The following CFAP299 variants were observed in gnomAD, a reference collection of about 807,000 sequenced individuals.
CFAP299 encodes the protein cilia- and flagella-associated protein 299.
CFAP299 carries 21 observed loss-of-function variants against 27.0 expected under a neutral mutation model. The observed-to-expected ratio is 0.78, with a 90% CI of 0.55 to 1.12. CFAP299 has a LOEUF of 1.12. Ranked by LOEUF, CFAP299 falls within the 50% of genes most tolerant of loss-of-function variation. The pLI is 0.00. For synonymous variants in CFAP299, 104 were observed against 98.1 expected, an observed-to-expected ratio of 1.06 and a Z score of -0.36; for missense variants, 310 against 276.6, an observed-to-expected ratio of 1.12 and a Z score of -0.86.
chr4:80,912,384 C>T (rs559695329), intron 4 of CFAP299, among the ~76,000 whole-genome samples: 4 of 152,070 alleles, frequency 2.6e-5, no homozygotes, highest in Non-Finnish European at 4.4e-5. Context: ...GAGAAAGGTT[C>T]GTCCCTATTC....
intron 1 of CFAP299, among the ~76,000 whole-genome samples, chr4:80,339,100 C>T (rs1722309126): frequency 6.6e-6 from 1 of 152,164 alleles, no homozygotes; most frequent in South Asian, 2.1e-4. Context: ...GGTTTAGAAG[C>T]AGCTACCTTC....
At chr4:80,676,375 G>A (rs999083286) in intron 3 of CFAP299, among the ~76,000 whole-genome samples, 22 of 151,994 alleles carry the variant, frequency 1.4e-4, no homozygotes, top group African/African-American at 5.3e-4. Flanking sequence ...ATTTTGTTGA[G>A]GATTTTGTAT....
the CFAP299 span, among the ~76,000 whole-genome samples, chr4:80,325,846 G>GCCCT: frequency 2.0e-5 from 3 of 152,046 alleles, no homozygotes; most frequent in African/African-American, 7.3e-5. Flanking sequence ...GTGTTCTAGG[G>GCCCT]CCCTATACCT....
chr4:80,407,326 G>T (rs1726482987), intron 2 of CFAP299, among the ~76,000 whole-genome samples: 1 of 152,140 alleles, frequency 6.6e-6, no homozygotes, highest in East Asian at 1.9e-4. Context: ...CAGCTCACAA[G>T]TGTATGGGTT....
In CFAP299 at chr4:80,381,309, G is replaced by GA. The variant is rs202132597; in HGVS notation, c.242+18429dup. Among the ~76,000 whole-genome samples, 1,106 of 151,338 alleles carry GA rather than the reference G, an allele frequency of 7.3e-3. 3 individuals carry two copies. Among genetic ancestry groups the GA allele is most frequent in the Middle Eastern group, 0.021 (6 of 290 alleles). On this transcript the variant is annotated intron_variant, in intron 2 of 5. Transcript: ENST00000358105. ...AGAGTGTCTTCAAAATCTCCTTGAT[G>GA]AAAATTCTAATTGGTAATGAAAAAT...
At chr4:80,429,953 T>A (rs553151306) in intron 2 of CFAP299, among the ~76,000 whole-genome samples, 1 of 150,698 alleles carries the variant, frequency 6.6e-6, no homozygotes, top group East Asian at 1.9e-4. Context: ...TATTTCCAAG[T>A]TTTTTTTTAT....
At chr4:80,768,766 T>A (rs1426670717) in intron 3 of CFAP299, among the ~76,000 whole-genome samples, 5 of 152,192 alleles carry the variant, frequency 3.3e-5, no homozygotes. Context: ...AATAGGCGAT[T>A]GGCAAATTTG....
intron 3 of CFAP299, among the ~76,000 whole-genome samples, chr4:80,624,696 G>C (rs1455580149): frequency 6.6e-6 from 1 of 151,676 alleles, no homozygotes; most frequent in East Asian, 1.9e-4. Context: ...TGACCAAACT[G>C]TCAAAAATCA....
At chr4:80,911,220 T>G (rs989808704) in intron 4 of CFAP299, among the ~76,000 whole-genome samples, 3 of 151,374 alleles carry the variant, frequency 2.0e-5, no homozygotes, top group African/African-American at 7.3e-5. Flanking sequence ...TTGGTTGTTT[T>G]TTTTTTTTTT....
intron 2 of CFAP299, among the ~76,000 whole-genome samples, chr4:80,377,366 A>C (rs529391467): frequency 2.6e-4 from 40 of 152,222 alleles, no homozygotes; most frequent in African/African-American, 9.1e-4. Flanking sequence ...CTATTTATTG[A>C]AAAGACTATT....
At position 80,402,207 on chromosome 4, in the gene CFAP299, C is replaced by A. The variant is rs879650436; in HGVS notation, c.242+39323C>A. ...AATGCTGAACTGAGTTAAGACTTTG[C>A]GGGACTGTTAGGAAGGCATGATTTG... On this transcript the variant is annotated intron_variant, in intron 2 of 5. Transcript: ENST00000358105. Among the ~76,000 whole-genome samples, 6 of 152,040 alleles carry A rather than the reference C, an allele frequency of 3.9e-5. No individual in the cohort carries two copies. In the South Asian group the frequency reaches 1.2e-3, roughly 32 times the overall value.
intron 2 of CFAP299, among the ~76,000 whole-genome samples, chr4:80,535,970 A>T (rs2110193095): frequency 6.6e-6 from 1 of 152,350 alleles, no homozygotes; most frequent in East Asian, 1.9e-4. Context: ...GGAGAGATCT[A>T]GAACCACTGT....
At chr4:80,954,470 G>A (rs764385868) in intron 5 of CFAP299, among the ~76,000 whole-genome samples, 7 of 152,160 alleles carry the variant, frequency 4.6e-5, no homozygotes, top group Non-Finnish European at 1.0e-4. Context: ...ATCTCATGTT[G>A]ATAACTTATA....
chr4:80,742,347 T>C (rs960629364), intron 3 of CFAP299, among the ~76,000 whole-genome samples: 1 of 152,212 alleles, frequency 6.6e-6, no homozygotes, highest in Non-Finnish European at 1.5e-5. Context: ...TATTACCTAA[T>C]AAAAGACTTT....
chr4:80,599,942 A>C (rs538894279), intron 3 of CFAP299, among the ~76,000 whole-genome samples: 1 of 152,248 alleles, frequency 6.6e-6, no homozygotes, highest in South Asian at 2.1e-4. Flanking sequence ...GGATACAAAA[A>C]CAAACAAAAA....
At chr4:80,583,655 T>C (rs941153350) in intron 3 of CFAP299, among the ~76,000 whole-genome samples, 24 of 151,914 alleles carry the variant, frequency 1.6e-4, no homozygotes, top group African/African-American at 5.8e-4. Context: ...TTTTGAATGA[T>C]CCAAGGAGAA....
intron 1 of CFAP299, among the ~76,000 whole-genome samples, chr4:80,350,324 C>G (rs2109983125): frequency 1.3e-5 from 2 of 152,170 alleles, no homozygotes; most frequent in Middle Eastern, 3.4e-3. Flanking sequence ...AATAAAATCA[C>G]TGAAAACTAG....
intron 3 of CFAP299, among the ~76,000 whole-genome samples, chr4:80,654,625 G>T (rs1314349834): frequency 6.6e-6 from 1 of 151,716 alleles, no homozygotes; most frequent in East Asian, 1.9e-4. Context: ...TTGAGATGAG[G>T]GAATGGGTCT....
chr4:80,837,133 A>G (rs962250571), intron 3 of CFAP299, among the ~76,000 whole-genome samples: 17 of 152,116 alleles, frequency 1.1e-4, no homozygotes, highest in Non-Finnish European at 2.1e-4. Flanking sequence ...TAAATTAGAA[A>G]ACTGAGATGA....
Sources: allele counts gnomAD v4.1 joint callset (sites outside exome capture counted in the v4.1 genomes callset), GRCh38; gene constraint gnomAD v4.1.1; transcripts MANE v1.5; gene names NCBI Gene and HGNC (gene_info 2026-07-23, HGNC 2026-07-21).